The following MTOR variants were observed in gnomAD, a reference collection of about 807,000 sequenced individuals.
The protein encoded by MTOR is mechanistic target of rapamycin kinase.
Under a neutral mutation model 319.8 loss-of-function variants are expected in MTOR, and 70 were observed. That is an observed-to-expected ratio of 0.22 (90% confidence interval 0.18 to 0.27). MTOR has a LOEUF of 0.27. Among genes scored for constraint, MTOR ranks in the 10% least tolerant of loss-of-function variants. The pLI is 1.00. For missense variants in MTOR, 1,890 were observed against 3,274.4 expected, an observed-to-expected ratio of 0.58 and a Z score of 10.32; for synonymous variants, 1,183 against 1,211.4, an observed-to-expected ratio of 0.98 and a Z score of 0.49.
intron 29 of MTOR, among the ~76,000 whole-genome samples, chr1:11,164,266 C>T (rs12138357): frequency 0.093 from 12,698 of 136,580 alleles, 598 homozygotes; most frequent in South Asian, 0.16. Flanking sequence ...ACCTGGGAGG[C>T]GGAGCTTGTA....
intron 6 of MTOR, among the ~76,000 whole-genome samples, chr1:11,249,113 A>G (rs1649242842): frequency 6.6e-6 from 1 of 151,648 alleles, no homozygotes; most frequent in Non-Finnish European, 1.5e-5. Flanking sequence ...ACTCCCAGCT[A>G]CTCGGGAGGC....
intron 12 of MTOR, 90 bp downstream of exon 12, chr1:11,238,312 C>A: frequency 7.3e-7 from 1 of 1,368,692 alleles, no homozygotes; most frequent in South Asian, 1.2e-5. Flanking sequence ...AGCCGAAGAA[C>A]TCTAGAGAGG....
rs1642879524 is a variant in MTOR at position 11,127,199 on chromosome 1, A to G, written c.6217-55T>C. ...TTATCAAAGTCTCAACCAACCCAGG[A>G]GGCAAAATCCCCAGGCTGACTGCAG... On this transcript the variant is annotated intron_variant, in intron 44 of 57. Coordinates refer to ENST00000361445, the MANE Select transcript of MTOR (RefSeq NM_004958.4). The surrounding 1 kb of genome is among the most constrained non-coding windows in gnomAD (Gnocchi z 5.5). The G allele has an allele frequency of 1.2e-6, 2 of 1,606,788 alleles. No homozygotes were observed. The highest frequency in any genetic ancestry group is 1.7e-6 in the Non-Finnish European group (2 of 1,177,210).
chr1:11,208,819 G>A (rs1022482294), intron 25 of MTOR, among the ~76,000 whole-genome samples: 2 of 152,154 alleles, frequency 1.3e-5, no homozygotes, highest in Non-Finnish European at 2.9e-5. Flanking sequence ...CTCAAAGTAT[G>A]GTCCATGGAC....
At chr1:11,209,035 T>G (rs1026511042) in intron 25 of MTOR, among the ~76,000 whole-genome samples, 2 of 152,210 alleles carry the variant, frequency 1.3e-5, no homozygotes, top group Non-Finnish European at 2.9e-5. Context: ...GTTCCCTTCA[T>G]GTAAAAAATG....
In MTOR at chr1:11,133,025, G is replaced by T; in HGVS notation, c.5364+55C>A. ...CTCAGCTGTAACCACGAGCACACAG[G>T]AGGACACGAGCCAGCCAGGGTGCTG... On this transcript the variant is annotated intron_variant, in intron 38 of 57. Transcript: ENST00000361445. The surrounding 1 kb of genome is among the most constrained non-coding windows in gnomAD (Gnocchi z 4.0). 1 of 1,462,162 alleles carries T rather than the reference G, an allele frequency of 6.8e-7. No homozygotes were observed. The highest frequency in any genetic ancestry group is 1.1e-5 in the South Asian group (1 of 87,800). The allele number at this position is 1,462,162 out of a possible 1,614,324, so 90.6% of individuals were successfully genotyped here. A position where few individuals can be genotyped will look rare whatever the true frequency, so the allele number is the denominator to read the frequency against.
chr1:11,140,910 G>A (rs912360495), intron 34 of MTOR, among the ~76,000 whole-genome samples: 1 of 149,730 alleles, frequency 6.7e-6, no homozygotes, highest in African/African-American at 2.5e-5. Flanking sequence ...AATTTTTGAA[G>A]TGACATTGTT....
rs771290775 is a variant in MTOR at position 11,128,460 on chromosome 1, G to A, written c.5904C>T (p.His1968=). The A allele has an allele frequency of 3.7e-6, 6 of 1,614,044 alleles. No individual in the cohort carries two copies. Among genetic ancestry groups the A allele is most frequent in the Non-Finnish European group, 5.1e-6 (6 of 1,179,922 alleles). ...GCCCAGAGTCTCCACATACCTGGGG[G>A]TGGTACCGACCAATGTCTGTGAGAA... ...HQLLTDIGRY[H]PQALIYPLTV... Residue 1968 remains histidine, a synonymous_variant, in exon 42 of 58, where the codon CAC becomes CAT. Transcript: ENST00000361445. This position sits in a 1 kb window ranked among gnomAD's most constrained non-coding sequence, Gnocchi z 5.3.
chr1:11,224,330 A>G (rs545207606), intron 19 of MTOR, among the ~76,000 whole-genome samples: 1 of 152,262 alleles, frequency 6.6e-6, no homozygotes, highest in Middle Eastern at 3.4e-3. Flanking sequence ...ATTAAAGATA[A>G]GAAGGATTAT....
chr1:11,152,578 T>A (rs1214446339), intron 30 of MTOR: 2 of 152,070 alleles, frequency 1.3e-5, no homozygotes, highest in Non-Finnish European at 2.9e-5. Context: ...TAGTTCACTT[T>A]GGCTGCAGGC....
Position 11,122,013 on chromosome 1 carries a change from ATCT to A in MTOR, c.6773_6775del (p.Lys2258del), listed in dbSNP as rs1196560364. ...GATGCGATGCTCGATGTTGAGAAGG[ATCT>A]TCTTCTTCTCCCTGTAGTCCCGGAT... is the stretch of plus-strand genomic sequence containing the variant. On this transcript the variant is annotated inframe_deletion, in exon 48 of 58. Transcript: ENST00000361445. 1.9e-6 allele frequency: 3 copies of A among 1,614,048 alleles called. No individual in the cohort carries two copies. The highest frequency in any genetic ancestry group is 1.1e-5 in the South Asian group (1 of 91,074).
rs766839916 is a variant in MTOR, at chr1:11,126,716, A to G, written c.6432T>C (p.Tyr2144=). The change falls in exon 46 of 58, where the codon TAT becomes TAC. Residue 2144 remains tyrosine, a synonymous_variant. Coordinates refer to ENST00000361445, the MANE Select transcript of MTOR (RefSeq NM_004958.4). The part of the protein sequence containing the change: ...RDLELAVPGT[Y]DPNQPIIRIQ... ...TGCGAATGATTGGCTGGTTGGGGTC[A>G]TATGTTCCTGGCACAGCCAATTCAA... 13 of 1,614,056 alleles carry G rather than the reference A, an allele frequency of 8.1e-6. No homozygotes were observed. The Admixed American group carries it at 2.0e-4, about 25-fold the overall frequency.
chr1:11,185,672 C>T (rs1645296578), intron 28 of MTOR, among the ~76,000 whole-genome samples: 1 of 152,084 alleles, frequency 6.6e-6, no homozygotes, highest in East Asian at 1.9e-4. Flanking sequence ...CTAATAGGTT[C>T]AGGACACATT....
At chr1:11,145,918 T>C (rs1321916119) in intron 32 of MTOR, among the ~76,000 whole-genome samples, 2 of 152,178 alleles carry the variant, frequency 1.3e-5, no homozygotes, top group East Asian at 3.9e-4. Context: ...CCTCTGTCCT[T>C]ATGAGGGAGT....
chr1:11,216,292 T>C, intron 19 of MTOR, 58 bp from the exon 20 acceptor site: 1 of 1,332,288 alleles, frequency 7.5e-7, no homozygotes, highest in Non-Finnish European at 1.1e-6. Context: ...ACCCCCAGGC[T>C]TACCTTAAGC....
chr1:11,146,391 T>C (rs1481680770), intron 32 of MTOR, among the ~76,000 whole-genome samples: 1 of 152,146 alleles, frequency 6.6e-6, no homozygotes, highest in African/African-American at 2.4e-5. Flanking sequence ...GAAATACAGC[T>C]TCTCTCTACA....
intron 18 of MTOR, among the ~76,000 whole-genome samples, chr1:11,230,423 A>C (rs1216167453): frequency 1.3e-5 from 2 of 152,174 alleles, no homozygotes; most frequent in African/African-American, 2.4e-5. Context: ...AACAAACAAA[A>C]AAAGGCAGTG....
Position 11,115,358 on chromosome 1 carries a change from CGGGAAGATGAGGTTGGGGTT to C in MTOR, c.7089+18_7089+37del. 1.2e-6 allele frequency: 2 copies of C among 1,600,926 alleles called. No individual in the cohort carries two copies. Among genetic ancestry groups the C allele is most frequent in the Non-Finnish European group, 1.7e-6 (2 of 1,168,066 alleles). ...CAGAGGAGGGGGAAAAGTGATCACC[CGGGAAGATGAGGTTGGGGTT>C]CTAGAACATGTGTTCACCTCAAAGC... On this transcript the variant is annotated intron_variant, in intron 51 of 57. Transcript: ENST00000361445. This position sits in a 1 kb window ranked among gnomAD's most constrained non-coding sequence, Gnocchi z 4.5.
chr1:11,141,126 C>CT (rs907350212), intron 34 of MTOR, among the ~76,000 whole-genome samples: 18 of 151,026 alleles, frequency 1.2e-4, no homozygotes, highest in Middle Eastern at 3.2e-3. Context: ...ATTCTTCTTT[C>CT]TTTTTTTTTG....
Sources: allele counts gnomAD v4.1 joint callset (sites outside exome capture counted in the v4.1 genomes callset), GRCh38; gene constraint gnomAD v4.1.1; non-coding constraint Gnocchi (gnomAD v3.1); transcripts MANE v1.5; gene names NCBI Gene and HGNC (gene_info 2026-07-23, HGNC 2026-07-21).